The following TRIM2 variants were observed in gnomAD, a reference collection of about 807,000 sequenced individuals.
TRIM2 encodes tripartite motif containing 2, also known as tripartite motif-containing protein 2.
In TRIM2, 20 loss-of-function variants were observed where a neutral mutation model predicts 75.2. The ratio of observed to expected loss-of-function variants is 0.27; its 90% CI spans 0.19 to 0.39. The LOEUF is 0.39. Among genes scored for constraint, TRIM2 ranks in the 10% least tolerant of loss-of-function variants. The pLI is 1.00. For missense variants in TRIM2, 660 were observed against 990.8 expected (o/e 0.67, Z 4.48); for synonymous variants, 373 against 388.3 (o/e 0.96, Z 0.46).
At chr4:153,252,182 C>T (rs1751024650) in intron 1 of TRIM2, among the ~76,000 whole-genome samples, 1 of 152,142 alleles carries the variant, frequency 6.6e-6, no homozygotes, top group Non-Finnish European at 1.5e-5. Flanking sequence ...CATTAGGCAG[C>T]GTTTATAAGC....
chr4:153,209,622 T>C (rs1736402630), intron 1 of TRIM2, among the ~76,000 whole-genome samples: 1 of 152,254 alleles, frequency 6.6e-6, no homozygotes, highest in Non-Finnish European at 1.5e-5. Flanking sequence ...GCAACTGTTA[T>C]GCAAATAGAA....
intron 1 of TRIM2, among the ~76,000 whole-genome samples, chr4:153,195,753 G>A (rs1013624264): frequency 2.0e-5 from 3 of 152,114 alleles, no homozygotes; most frequent in African/African-American, 7.2e-5. Context: ...AATCCTGTTA[G>A]AATTTTATTC....
In TRIM2 at chr4:153,248,222, C is replaced by T. The variant is rs1173187224; in HGVS notation, c.31-22113C>T. Among the ~76,000 whole-genome samples the T allele has an allele frequency of 6.6e-6, 1 of 152,134 alleles. No individual in the cohort carries two copies. The highest frequency in any genetic ancestry group is 2.4e-5 in the African/African-American group (1 of 41,426). ...TGTTGGCCAGGCTAGTCTTGAACTC[C>T]TGAGCTCAGGTGATCCACCTGTCTC... On this transcript the variant is annotated intron_variant, in intron 1 of 11. Coordinates refer to ENST00000338700, the MANE Select transcript of TRIM2 (RefSeq NM_015271.5). This position sits in a 1 kb window ranked among gnomAD's most constrained non-coding sequence, Gnocchi z 4.0.
chr4:153,318,669 T>C (rs1407477484), intron 8 of TRIM2, among the ~76,000 whole-genome samples: 1 of 152,248 alleles, frequency 6.6e-6, no homozygotes, highest in African/African-American at 2.4e-5. Context: ...TTATGTTTTA[T>C]ACTCTAGCAA....
intron 2 of TRIM2, among the ~76,000 whole-genome samples, chr4:153,272,902 C>A (rs1333233920): frequency 6.6e-6 from 1 of 152,196 alleles, no homozygotes; most frequent in Non-Finnish European, 1.5e-5. Context: ...TGCAGTGGCG[C>A]TATCTCGGCT....
chr4:153,276,790 T>G (rs1268724542), intron 3 of TRIM2, among the ~76,000 whole-genome samples: 1 of 152,210 alleles, frequency 6.6e-6, no homozygotes, highest in Non-Finnish European at 1.5e-5. Context: ...TTAAACTTAT[T>G]CCCTGTGCCA....
chr4:153,166,644 G>T (rs4696431), intron 1 of TRIM2, among the ~76,000 whole-genome samples: 65,756 of 151,536 alleles, frequency 0.43, 15,637 homozygotes, highest in Non-Finnish European at 0.55. Flanking sequence ...CTCAACCTGG[G>T]CTCATGTGAT....
intron 1 of TRIM2, among the ~76,000 whole-genome samples, chr4:153,215,575 G>A (rs780361531): frequency 2.6e-5 from 4 of 151,960 alleles, no homozygotes; most frequent in Non-Finnish European, 5.9e-5. Flanking sequence ...TGTTCTGGAT[G>A]GTGTTTTTAC....
chr4:153,328,336 T>G (rs146717133), intron 10 of TRIM2, among the ~76,000 whole-genome samples, 194 bp from the exon 11 acceptor site: 2 of 152,286 alleles, frequency 1.3e-5, no homozygotes, highest in Non-Finnish European at 2.9e-5. Flanking sequence ...AAATGATAAA[T>G]CAGATTTATA....
chr4:153,245,455 G>C (rs371074805), intron 1 of TRIM2, among the ~76,000 whole-genome samples: 2 of 152,202 alleles, frequency 1.3e-5, no homozygotes, highest in Admixed American at 1.3e-4. Flanking sequence ...GAGCAGGGGC[G>C]GGCAAACTAT....
At chr4:153,221,279 A>T (rs1357743980) in intron 1 of TRIM2, among the ~76,000 whole-genome samples, 1 of 152,186 alleles carries the variant, frequency 6.6e-6, no homozygotes, top group Non-Finnish European at 1.5e-5. Flanking sequence ...CATTTATATG[A>T]AATGTCCAAG....
chr4:153,183,087 G>A (rs1348296031), intron 1 of TRIM2, among the ~76,000 whole-genome samples: 3 of 152,210 alleles, frequency 2.0e-5, no homozygotes, highest in Admixed American at 1.3e-4. Context: ...TAGGAAGTGT[G>A]GGCTGGTGTG....
chr4:153,305,092 G>T (rs995792156), intron 6 of TRIM2, among the ~76,000 whole-genome samples: 1 of 152,136 alleles, frequency 6.6e-6, no homozygotes, highest in South Asian at 2.1e-4. Flanking sequence ...GAGAAATTTG[G>T]TGAACAATTT....
chr4:153,204,463 G>A lies in TRIM2; in HGVS notation c.-68G>A. ...AACTCGGCAGCTTGATGACTATAAT[G>A]GGCCCAGTTGTCTGCGGGCTGCGGG... On this transcript the variant is annotated 5_prime_UTR_variant, in exon 1 of 12. An upstream start codon of the reference 5' UTR is lost. Coordinates refer to ENST00000338700, the MANE Select transcript of TRIM2 (RefSeq NM_015271.5). The A allele has an allele frequency of 6.5e-7, 1 of 1,533,986 alleles. No homozygotes were observed. The highest frequency in any genetic ancestry group is 1.2e-5 in the South Asian group (1 of 83,656).
chr4:153,237,986 A>T (rs6855846), intron 1 of TRIM2, among the ~76,000 whole-genome samples: 1 of 151,914 alleles, frequency 6.6e-6, no homozygotes, highest in Non-Finnish European at 1.5e-5. Flanking sequence ...TGGGGAGTGG[A>T]AGTGGCATGA....
chr4:153,311,046 C>T (rs1766175573), intron 6 of TRIM2, among the ~76,000 whole-genome samples: 1 of 152,178 alleles, frequency 6.6e-6, no homozygotes, highest in South Asian at 2.1e-4. Context: ...AGGTATGGAA[C>T]ATCTCACATT....
At chr4:153,210,058 A>ATTTTTTTTTTTTTTTTTTTTTTTTTT (rs761134144) in intron 1 of TRIM2, among the ~76,000 whole-genome samples, 4 of 107,026 alleles carry the variant, frequency 3.7e-5, no homozygotes, top group African/African-American at 4.0e-5. Context: ...GGGTGATTTA[A>ATTTTTTTTTTTTTTTTTTTTTTTTTT]TTTTTTTTTT....
chr4:153,252,193 TC>T (rs1290577079), intron 1 of TRIM2, among the ~76,000 whole-genome samples: 1 of 152,172 alleles, frequency 6.6e-6, no homozygotes, highest in Non-Finnish European at 1.5e-5. Context: ...GTTTATAAGC[TC>T]CTGATTTGTT....
At chr4:153,208,641 C>T (rs952791951) in intron 1 of TRIM2, among the ~76,000 whole-genome samples, 1 of 152,134 alleles carries the variant, frequency 6.6e-6, no homozygotes, top group Non-Finnish European at 1.5e-5. Context: ...CACTTACCCT[C>T]TCCAGTTCTT....
Sources: allele counts gnomAD v4.1 joint callset (sites outside exome capture counted in the v4.1 genomes callset), GRCh38; gene constraint gnomAD v4.1.1; non-coding constraint Gnocchi (gnomAD v3.1); transcripts MANE v1.5; gene names NCBI Gene and HGNC (gene_info 2026-07-23, HGNC 2026-07-21).